The following RAB3IL1 variants were observed in gnomAD, a reference collection of about 807,000 sequenced individuals.
The protein encoded by RAB3IL1 is RAB3A interacting protein like 1, also known as guanine nucleotide exchange factor for Rab-3A.
RAB3IL1 carries 37 observed loss-of-function variants against 49.2 expected under a neutral mutation model. The observed-to-expected ratio is 0.75, with a 90% CI of 0.58 to 0.99. The LOEUF (loss-of-function observed/expected upper bound fraction) is 0.99, where lower values mean the gene tolerates loss of function less well. Ranked by LOEUF, RAB3IL1 falls within the 50% of genes least tolerant of loss-of-function variation. The pLI is 0.00. For missense variants in RAB3IL1, 484 were observed against 513.0 expected (o/e 0.94, Z 0.55); for synonymous variants, 193 against 213.9 (o/e 0.90, Z 0.85).
chr11:61,913,550 C>T (rs565579538), intron 1 of RAB3IL1, among the ~76,000 whole-genome samples: 111 of 152,300 alleles, frequency 7.3e-4, no homozygotes, highest in Middle Eastern at 3.4e-3. Context: ...CCACCCCTGG[C>T]GGGGGAATCC....
chr11:61,924,217 G>A (rs1939959507), upstream of RAB3IL1, among the ~76,000 whole-genome samples: 1 of 152,210 alleles, frequency 6.6e-6, no homozygotes, highest in Non-Finnish European at 1.5e-5. Flanking sequence ...AGCGGGGCTA[G>A]CAGCCAGGCC....
the RAB3IL1 span, among the ~76,000 whole-genome samples, chr11:61,944,102 T>A: frequency 6.6e-6 from 1 of 151,770 alleles, no homozygotes; most frequent in South Asian, 2.1e-4. Flanking sequence ...CAAAATAAAT[T>A]AAAAACTTTT....
At chr11:61,923,738 C>A (rs1344606541), upstream of RAB3IL1, among the ~76,000 whole-genome samples, 1 of 152,226 alleles carries the variant, frequency 6.6e-6, no homozygotes, top group Non-Finnish European at 1.5e-5. Context: ...GTTCTGGCTG[C>A]CCCTCCCTCC....
At chr11:61,899,660 C>G (rs1384034354) in intron 8 of RAB3IL1, 1 of 394,040 alleles carries the variant, frequency 2.5e-6, no homozygotes, top group Non-Finnish European at 4.7e-6. Flanking sequence ...GCGGAGCCAC[C>G]CGGGGAAAGC....
the RAB3IL1 span, among the ~76,000 whole-genome samples, chr11:61,927,279 A>T: frequency 6.6e-6 from 1 of 151,952 alleles, no homozygotes. Context: ...TCAGAAGGAG[A>T]TGCTGGTGCC....
upstream of RAB3IL1, among the ~76,000 whole-genome samples, chr11:61,918,426 T>C (rs937344930): frequency 1.1e-4 from 16 of 152,256 alleles, no homozygotes; most frequent in African/African-American, 3.6e-4. Context: ...GAGGTCCCAG[T>C]GCTACCCCTC....
intron 1 of RAB3IL1, among the ~76,000 whole-genome samples, chr11:61,913,690 T>C (rs1164830744): frequency 6.6e-6 from 1 of 152,128 alleles, no homozygotes; most frequent in South Asian, 2.1e-4. Context: ...AGTCCAAGAA[T>C]TGACACCGAA....
chr11:61,898,943 G>A lies in RAB3IL1; in HGVS notation c.1066+371C>T, dbSNP rs1409165691. 1 of 490,072 alleles carries A rather than the reference G, an allele frequency of 2.0e-6. No homozygotes were observed. Among genetic ancestry groups the A allele is most frequent in the South Asian group, 1.5e-5 (1 of 64,768 alleles). The allele number at this position is 490,072 out of a possible 1,614,324, so 30.4% of individuals were successfully genotyped here. A position where few individuals can be genotyped will look rare whatever the true frequency, so the allele number is the denominator to read the frequency against. ...CCTTGCAGAATGGGCTGTGGGGGGA[G>A]GGGGTGGAGGGAGGCCCTGTCCAGC... On this transcript the variant is annotated intron_variant, in intron 9 of 9. Transcript: ENST00000394836. This position sits in a 1 kb window ranked among gnomAD's most constrained non-coding sequence, Gnocchi z 5.1.
chr11:61,898,097 G>T lies in RAB3IL1; in HGVS notation c.*181C>A, dbSNP rs2136011151. 1 of 632,292 alleles carries T rather than the reference G, an allele frequency of 1.6e-6. No individual in the cohort carries two copies. The highest frequency in any genetic ancestry group is 2.7e-5 in the East Asian group (1 of 37,198). The allele number at this position is 632,292 out of a possible 1,614,324, so 39.2% of individuals were successfully genotyped here. ...AGGGGGGTCTTGCCGTGAAGTCCAG[G>T]CCCGTCTGTCCCAGGATGGACGTGT... On this transcript the variant is annotated 3_prime_UTR_variant, in exon 10 of 10. Coordinates refer to ENST00000394836, the MANE Select transcript of RAB3IL1 (RefSeq NM_013401.4). This position sits in a 1 kb window ranked among gnomAD's most constrained non-coding sequence, Gnocchi z 5.1.
chr11:61,907,345 G>A (rs1939241785), intron 4 of RAB3IL1, 48 bp downstream of exon 4: 1 of 1,591,610 alleles, frequency 6.3e-7, no homozygotes, highest in East Asian at 2.2e-5. Flanking sequence ...GAGCCGGGAG[G>A]CAGGGGGGGT....
the RAB3IL1 span, among the ~76,000 whole-genome samples, chr11:61,934,450 G>GTATGTATATATATA: frequency 3.2e-5 from 1 of 31,626 alleles, no homozygotes; most frequent in Non-Finnish European, 7.0e-5. Flanking sequence ...GTGTGTGTAT[G>GTATGTATATATATA]TATATATATA....
At chr11:61,920,800 G>C (rs981591949), upstream of RAB3IL1, among the ~76,000 whole-genome samples, 1 of 152,166 alleles carries the variant, frequency 6.6e-6, no homozygotes. Context: ...GCGCATGCCT[G>C]TAATCTCAGC....
upstream of RAB3IL1, chr11:61,917,624 C>G (rs375339708): frequency 5.3e-3 from 5,298 of 1,000,730 alleles, 29 homozygotes; most frequent in East Asian, 0.023. Context: ...TCCGCCGGCC[C>G]GGCGCTGGGA....
At chr11:61,926,598 G>A in the RAB3IL1 span, among the ~76,000 whole-genome samples, 32 of 152,252 alleles carry the variant, frequency 2.1e-4, no homozygotes, top group African/African-American at 6.7e-4. Flanking sequence ...CTGTCGCCCA[G>A]GCTGGAGTGT....
the RAB3IL1 span, among the ~76,000 whole-genome samples, chr11:61,933,483 T>C: frequency 1.3e-5 from 2 of 152,204 alleles, no homozygotes; most frequent in Non-Finnish European, 1.5e-5. Flanking sequence ...TTGGACATCC[T>C]GGCCTCCCGA....
chr11:61,924,656 T>C (rs1266211171), upstream of RAB3IL1, among the ~76,000 whole-genome samples: 1 of 152,214 alleles, frequency 6.6e-6, no homozygotes, highest in Non-Finnish European at 1.5e-5. Context: ...GGATTATCTT[T>C]GTTCCACTTG....
Position 61,906,820 on chromosome 11 carries a change from G to A in RAB3IL1, c.439-136C>T. The A allele has an allele frequency of 1.2e-6, 1 of 826,710 alleles. No individual in the cohort carries two copies. Among genetic ancestry groups the A allele is most frequent in the South Asian group, 1.5e-5 (1 of 68,430 alleles). 51.2% of individuals were successfully genotyped at this position (826,710 alleles called of 1,614,324 possible). On this transcript the variant is annotated intron_variant, in intron 4 of 9. Coordinates refer to ENST00000394836, the MANE Select transcript of RAB3IL1 (RefSeq NM_013401.4). The surrounding 1 kb of genome is among the most constrained non-coding windows in gnomAD (Gnocchi z 4.6). The stretch of plus-strand genomic sequence containing the variant: ...AGTCCCACCCGACGCCCTCAGAACA[G>A]CCTTCGAGGCAGAGACCCAGACACT...
At chr11:61,942,107 A>T in the RAB3IL1 span, among the ~76,000 whole-genome samples, 1 of 152,084 alleles carries the variant, frequency 6.6e-6, no homozygotes, top group Non-Finnish European at 1.5e-5. Context: ...ACTACTTGGG[A>T]GGCTGAGGCA....
At chr11:61,913,099 C>A (rs1311721090) in intron 1 of RAB3IL1, among the ~76,000 whole-genome samples, 2 of 151,938 alleles carry the variant, frequency 1.3e-5, no homozygotes, top group Non-Finnish European at 2.9e-5. Context: ...GGGGAATAGG[C>A]AGGATGGGGT....
Sources: allele counts gnomAD v4.1 joint callset (sites outside exome capture counted in the v4.1 genomes callset), GRCh38; gene constraint gnomAD v4.1.1; non-coding constraint Gnocchi (gnomAD v3.1); transcripts MANE v1.5; gene names NCBI Gene and HGNC (gene_info 2026-07-23, HGNC 2026-07-21).